UHRF2: variants seen among roughly 807,000 people sequenced by gnomAD.
UHRF2 encodes the protein E3 ubiquitin-protein ligase UHRF2.
In UHRF2, 23 loss-of-function variants were observed where a neutral mutation model predicts 96.8. The observed-to-expected ratio is 0.24, with a 90% CI of 0.17 to 0.34. The LOEUF is 0.34. UHRF2 is among the 10% of genes least tolerant of loss of function. UHRF2 has a pLI of 1.00. For synonymous variants in UHRF2, 385 were observed against 332.6 expected (o/e 1.16, Z -1.72); for missense variants, 685 against 981.5 (o/e 0.70, Z 4.04).
chr9:6,480,963 C>T (rs1823888863), intron 6 of UHRF2, among the ~76,000 whole-genome samples: 1 of 152,150 alleles, frequency 6.6e-6, no homozygotes, highest in Non-Finnish European at 1.5e-5. Flanking sequence ...ATTAATTGGG[C>T]AGTAGCCATT....
Position 6,478,475 on chromosome 9 carries a change from C to T in UHRF2, c.1160+667C>T, listed in dbSNP as rs556094453. On this transcript the variant is annotated intron_variant, in intron 6 of 15. Transcript: ENST00000276893. ...TGGATTACTGTATTTAATCCTGTGA[C>T]GTTGATACATTGAAGAAGGCTCCAA... 2.6e-5 allele frequency among the ~76,000 whole-genome samples: 4 copies of T among 152,272 alleles called. No homozygotes were observed. In the South Asian group the frequency reaches 8.3e-4, roughly 32 times the overall value.
intron 3 of UHRF2, among the ~76,000 whole-genome samples, chr9:6,448,386 C>G (rs1821648562): frequency 6.6e-6 from 1 of 152,182 alleles, no homozygotes; most frequent in Admixed American, 6.5e-5. Flanking sequence ...ATTTTACAAA[C>G]TACATAGTTT....
intron 2 of UHRF2, among the ~76,000 whole-genome samples, chr9:6,432,911 G>A (rs925510898): frequency 3.3e-5 from 5 of 151,158 alleles, no homozygotes; most frequent in Non-Finnish European, 4.4e-5. Context: ...CACGATCTCC[G>A]TTCACTGCAA....
chr9:6,505,647 AAT>A (rs1816543689), intron 15 of UHRF2, among the ~76,000 whole-genome samples: 1 of 152,178 alleles, frequency 6.6e-6, no homozygotes, highest in African/African-American at 2.4e-5. Context: ...GGTTTGGTAA[AAT>A]ATAAAATTCA....
At chr9:6,485,790 C>A (rs1446705498) in intron 8 of UHRF2, among the ~76,000 whole-genome samples, 5 of 141,060 alleles carry the variant, frequency 3.5e-5, no homozygotes, top group African/African-American at 1.4e-4. Context: ...ATGGTGAGAC[C>A]CCTGTCTCTA....
chr9:6,440,441 C>G (rs1346527002), intron 3 of UHRF2, among the ~76,000 whole-genome samples: 1 of 152,116 alleles, frequency 6.6e-6, no homozygotes. Context: ...CAAGAGTTAA[C>G]CAATATGCAG....
At chr9:6,503,799 C>G (rs1056803533) in intron 14 of UHRF2, among the ~76,000 whole-genome samples, 4 of 151,814 alleles carry the variant, frequency 2.6e-5, no homozygotes, top group Non-Finnish European at 5.9e-5. Context: ...ACACGTTGCC[C>G]ATGATTTTTT....
chr9:6,463,718 G>A (rs1822696800), intron 4 of UHRF2, among the ~76,000 whole-genome samples: 1 of 152,064 alleles, frequency 6.6e-6, no homozygotes, highest in Non-Finnish European at 1.5e-5. Flanking sequence ...CTATCTGCCT[G>A]CCTCAGTCTC....
intron 15 of UHRF2, 92 bp from the exon 16 acceptor site, chr9:6,505,941 C>A: frequency 7.6e-7 from 1 of 1,323,424 alleles, no homozygotes; most frequent in Non-Finnish European, 1.1e-6. Context: ...TCTCTCATTA[C>A]CAGTTTCTGG....
intron 3 of UHRF2, among the ~76,000 whole-genome samples, chr9:6,446,454 A>G (rs1469409890): frequency 6.8e-6 from 1 of 147,292 alleles, no homozygotes; most frequent in Non-Finnish European, 1.5e-5. Context: ...AATTTTTTTT[A>G]ATTTTTAGTA....
chr9:6,466,893 T>C (rs1010860785), intron 4 of UHRF2, among the ~76,000 whole-genome samples: 1 of 152,224 alleles, frequency 6.6e-6, no homozygotes, highest in Non-Finnish European at 1.5e-5. Context: ...TCTTCAGAGT[T>C]ACCTTTCTTA....
chr9:6,469,560 A>G (rs964307988), intron 4 of UHRF2, among the ~76,000 whole-genome samples: 1 of 151,898 alleles, frequency 6.6e-6, no homozygotes. Flanking sequence ...AATAAGACAC[A>G]GCAGAAGATA....
chr9:6,421,784 G>A (rs1055848196), intron 2 of UHRF2, among the ~76,000 whole-genome samples: 4 of 152,094 alleles, frequency 2.6e-5, no homozygotes, highest in Non-Finnish European at 5.9e-5. Context: ...TCCCTAAGAG[G>A]TAAACTGCTT....
chr9:6,503,772 T>A (rs1172436616), intron 14 of UHRF2, among the ~76,000 whole-genome samples: 1 of 152,110 alleles, frequency 6.6e-6, no homozygotes, highest in Non-Finnish European at 1.5e-5. Context: ...AGGCAGTCAG[T>A]ATGTAATGAC....
chr9:6,451,819 CTG>C (rs1460232817), intron 3 of UHRF2, among the ~76,000 whole-genome samples: 2 of 143,124 alleles, frequency 1.4e-5, no homozygotes, highest in East Asian at 2.1e-4. Context: ...GAGTCTCAGT[CTG>C]TCACCAGGCT....
At chr9:6,468,791 T>A in intron 4 of UHRF2, 1 of 417,810 alleles carries the variant, frequency 2.4e-6, no homozygotes, top group Non-Finnish European at 4.8e-6. Flanking sequence ...AATATGTAGG[T>A]CTTTTAGTTT....
Position 6,504,574 on chromosome 9 carries a change from TC to T in UHRF2, c.2164-17del, listed in dbSNP as rs759370400. 23 of 1,590,050 alleles carry T rather than the reference TC, an allele frequency of 1.4e-5. No homozygotes were observed. The East Asian group carries it at 4.5e-4, about 31-fold the overall frequency. ...TGAACTGCTAACTTTTCTTTCCTTA[TC>T]CTTGGATACTGTTCTAGAATTTTCT... On this transcript the variant is annotated intron_variant, in intron 14 of 15. Transcript: ENST00000276893.
At chr9:6,424,487 CTTT>C (rs1297294495) in intron 2 of UHRF2, among the ~76,000 whole-genome samples, 1 of 152,100 alleles carries the variant, frequency 6.6e-6, no homozygotes, top group Non-Finnish European at 1.5e-5. Context: ...TACATTATTA[CTTT>C]TTTATTTGTG....
Position 6,506,297 on chromosome 9 carries a change from C to G in UHRF2, c.*118C>G, listed in dbSNP as rs2130984430. 7.5e-7 allele frequency: 1 copy of G among 1,330,948 alleles called. No homozygotes were observed. Among genetic ancestry groups the G allele is most frequent in the Admixed American group, 2.4e-5 (1 of 41,838 alleles). 82.4% of individuals were successfully genotyped at this position (1,330,948 alleles called of 1,614,324 possible). A position where few individuals can be genotyped will look rare whatever the true frequency, so the allele number is the denominator to read the frequency against. ...TCTCTCACGTTCTGAAGCAGCTAAT[C>G]CTCTTTCCCACATAGCCATCATCTT... is the stretch of plus-strand genomic sequence containing the variant. On this transcript the variant is annotated 3_prime_UTR_variant, in exon 16 of 16. Transcript: ENST00000276893.
Sources: gnomAD v4.1 joint callset for allele counts (sites outside exome capture counted in the v4.1 genomes callset) on GRCh38, gnomAD v4.1.1 for gene constraint, MANE v1.5 for transcripts, NCBI Gene and HGNC (gene_info 2026-07-23, HGNC 2026-07-21) for gene names.